PTP4A1: variants seen among roughly 807,000 people sequenced by gnomAD.
PTP4A1 encodes protein tyrosine phosphatase 4A1, also known as protein tyrosine phosphatase type IVA 1.
PTP4A1 carries 9 observed loss-of-function variants against 20.5 expected under a neutral mutation model. The ratio of observed to expected loss-of-function variants is 0.44; its 90% CI spans 0.26 to 0.77. PTP4A1 has a LOEUF of 0.77. Among genes scored for constraint, PTP4A1 ranks in the 30% least tolerant of loss-of-function variants. The pLI is 0.19. For missense variants in PTP4A1, 137 were observed against 218.8 expected, an observed-to-expected ratio of 0.63 and a Z score of 2.36; for synonymous variants, 78 against 67.4, an observed-to-expected ratio of 1.16 and a Z score of -0.77.
intron 3 of PTP4A1, among the ~76,000 whole-genome samples, chr6:63,551,400 A>G (rs1776434797): frequency 6.6e-6 from 1 of 152,216 alleles, no homozygotes; most frequent in Non-Finnish European, 1.5e-5. Flanking sequence ...AACAAAAAAT[A>G]GAAAATAGAA....
At chr6:63,533,467 A>C (rs1775564735) in intron 2 of PTP4A1, among the ~76,000 whole-genome samples, 1 of 152,224 alleles carries the variant, frequency 6.6e-6, no homozygotes, top group African/African-American at 2.4e-5. Flanking sequence ...TGAAAAAATA[A>C]AGGCTAGAAC....
chr6:63,518,143 G>A (rs1203592174), upstream of PTP4A1, among the ~76,000 whole-genome samples: 1 of 135,314 alleles, frequency 7.4e-6, no homozygotes, highest in African/African-American at 3.0e-5. Context: ...AACACAGTGA[G>A]ACTCCGTCTC....
intron 3 of PTP4A1, among the ~76,000 whole-genome samples, chr6:63,554,428 T>C (rs1349958310): frequency 2.6e-5 from 4 of 152,158 alleles, no homozygotes; most frequent in Admixed American, 2.0e-4. Flanking sequence ...TTACCTCCAC[T>C]CCCACATTAC....
chr6:63,517,504 G>A (rs1774772288), upstream of PTP4A1, among the ~76,000 whole-genome samples: 1 of 152,040 alleles, frequency 6.6e-6, no homozygotes, highest in Non-Finnish European at 1.5e-5. Flanking sequence ...CCATTTAAAT[G>A]GTGAAAGATC....
intron 3 of PTP4A1, among the ~76,000 whole-genome samples, chr6:63,552,402 T>G (rs1776491440): frequency 6.6e-6 from 1 of 152,184 alleles, no homozygotes; most frequent in African/African-American, 2.4e-5. Flanking sequence ...TCTTGTAAAT[T>G]TGTTTGAGTT....
At chr6:63,553,472 A>G (rs1199537074) in intron 3 of PTP4A1, among the ~76,000 whole-genome samples, 1 of 152,210 alleles carries the variant, frequency 6.6e-6, no homozygotes, top group African/African-American at 2.4e-5. Context: ...GCCTAAAAAT[A>G]AGTTCTTCTT....
chr6:63,524,996 T>C (rs1032747231), intron 1 of PTP4A1, among the ~76,000 whole-genome samples: 5 of 152,094 alleles, frequency 3.3e-5, no homozygotes, highest in African/African-American at 1.2e-4. Context: ...ATTAGTGGAG[T>C]TGAGCATGTC....
chr6:63,567,331 T>A (rs1777234315), intron 3 of PTP4A1, among the ~76,000 whole-genome samples: 1 of 152,220 alleles, frequency 6.6e-6, no homozygotes, highest in Non-Finnish European at 1.5e-5. Flanking sequence ...AACCTGAAAG[T>A]CAAAATTATT....
At chr6:63,549,543 G>T in intron 2 of PTP4A1, 1 of 622,052 alleles carries the variant, frequency 1.6e-6, no homozygotes, top group Non-Finnish European at 2.8e-6. Flanking sequence ...TTTTAAAGGT[G>T]ATAAATGTTG....
intron 2 of PTP4A1, among the ~76,000 whole-genome samples, chr6:63,531,467 G>A (rs1345526091): frequency 6.7e-6 from 1 of 149,092 alleles, no homozygotes; most frequent in African/African-American, 2.5e-5. Context: ...ATCCAGAAGA[G>A]ATAATGTAAT....
intron 2 of PTP4A1, among the ~76,000 whole-genome samples, chr6:63,530,509 T>C (rs991572097): frequency 1.3e-5 from 2 of 152,162 alleles, no homozygotes; most frequent in Non-Finnish European, 2.9e-5. Context: ...TCACACAGGC[T>C]ATTTACTGCA....
rs1177024018 is a variant in PTP4A1 at position 63,580,420 on chromosome 6, A to G, written c.*246A>G. On this transcript the variant is annotated 3_prime_UTR_variant, in exon 6 of 6. Coordinates refer to ENST00000626021, the MANE Select transcript of PTP4A1 (RefSeq NM_003463.5). ...ATAAAATGTGCTTGTCATTTGTATC[A>G]ATTGACCTTTCCCCAAATCATGCAG... 3 of 418,256 alleles carry G rather than the reference A, an allele frequency of 7.2e-6. No individual in the cohort carries two copies. Among genetic ancestry groups the G allele is most frequent in the Non-Finnish European group, 1.3e-5 (3 of 228,832 alleles). 25.9% of individuals were successfully genotyped at this position (418,256 alleles called of 1,614,324 possible). A position where few individuals can be genotyped will look rare whatever the true frequency, so the allele number is the denominator to read the frequency against.
At chr6:63,563,759 GA>G (rs1194087988) in intron 3 of PTP4A1, among the ~76,000 whole-genome samples, 1 of 152,140 alleles carries the variant, frequency 6.6e-6, no homozygotes, top group Admixed American at 6.5e-5. Flanking sequence ...AAACCCCAAG[GA>G]AAGTGGAAAG....
chr6:63,546,660 C>T (rs906648906), intron 2 of PTP4A1, among the ~76,000 whole-genome samples: 1 of 151,638 alleles, frequency 6.6e-6, no homozygotes, highest in Non-Finnish European at 1.5e-5. Context: ...GAGCTGAGAT[C>T]GTGCCATTGT....
At chr6:63,560,381 G>A (rs1581936653) in intron 3 of PTP4A1, among the ~76,000 whole-genome samples, 1 of 143,406 alleles carries the variant, frequency 7.0e-6, no homozygotes, top group South Asian at 2.3e-4. Flanking sequence ...GAAGTGAAAA[G>A]TAAAAAACAA....
In PTP4A1 at chr6:63,572,557, G is replaced by A. The variant is rs1777515757; in HGVS notation, c.-608G>A. 1 of 410,432 alleles carries A rather than the reference G, an allele frequency of 2.4e-6. No homozygotes were observed. The highest frequency in any genetic ancestry group is 4.2e-6 in the Non-Finnish European group (1 of 236,272). 25.4% of individuals were successfully genotyped at this position (410,432 alleles called of 1,614,324 possible). A position where few individuals can be genotyped will look rare whatever the true frequency, so the allele number is the denominator to read the frequency against. ...TCTGCTCCGAGCCGCTCACTGCATGGTAGAGTCTGGTGCCCCCGCCGCCGC... is the reference window on the plus strand; with the variant it reads ...TCTGCTCCGAGCCGCTCACTGCATGATAGAGTCTGGTGCCCCCGCCGCCGC... On this transcript the variant is annotated 5_prime_UTR_variant, in exon 1 of 6. Transcript: ENST00000626021.
At chr6:63,547,711 C>T (rs1249404274) in intron 2 of PTP4A1, among the ~76,000 whole-genome samples, 1 of 149,806 alleles carries the variant, frequency 6.7e-6, no homozygotes, top group East Asian at 2.0e-4. Context: ...CGGGGTTTCA[C>T]CATGTTAGCC....
chr6:63,564,379 T>C (rs894522075), intron 3 of PTP4A1, among the ~76,000 whole-genome samples: 2 of 152,168 alleles, frequency 1.3e-5, no homozygotes, highest in Non-Finnish European at 2.9e-5. Flanking sequence ...TACACGAAGA[T>C]AGCAACGTTT....
chr6:63,527,441 C>CT (rs1325840003), intron 1 of PTP4A1, among the ~76,000 whole-genome samples: 1 of 152,012 alleles, frequency 6.6e-6, no homozygotes, highest in African/African-American at 2.4e-5. Context: ...TTTGATGGGT[C>CT]TTTCCTTTCT....
Sources: allele counts gnomAD v4.1 joint callset (sites outside exome capture counted in the v4.1 genomes callset), GRCh38; gene constraint gnomAD v4.1.1; transcripts MANE v1.5; gene names NCBI Gene and HGNC (gene_info 2026-07-23, HGNC 2026-07-21).